Variants in CAMK1D observed in about 807,000 individuals in gnomAD.
CAMK1D encodes calcium/calmodulin dependent protein kinase ID.
CAMK1D carries 9 observed loss-of-function variants against 47.7 expected under a neutral mutation model. The observed-to-expected ratio is 0.19, with a 90% CI of 0.11 to 0.33. The LOEUF is 0.33. Ranked by LOEUF, CAMK1D falls within the 10% of genes least tolerant of loss-of-function variation. The probability of loss-of-function intolerance (pLI) is 1.00; values close to 1 mark genes in which losing one functional copy is unlikely to be tolerated. For synonymous variants in CAMK1D, 184 were observed against 184.9 expected (o/e 0.99, Z 0.04); for missense variants, 291 against 488.7 (o/e 0.60, Z 3.81).
In CAMK1D at chr10:12,824,564, G is replaced by T; in HGVS notation, c.921+12G>T. 6.2e-7 allele frequency: 1 copy of T among 1,608,744 alleles called. No homozygotes were observed. The highest frequency in any genetic ancestry group is 8.5e-7 in the Non-Finnish European group (1 of 1,175,330). ...AGAGCAAATGGAGAGTAAGTGTGGAGTATATGAAATTCCCCGTGGATTAAC... is the reference window on the plus strand; with the variant it reads ...AGAGCAAATGGAGAGTAAGTGTGGATTATATGAAATTCCCCGTGGATTAAC... On this transcript the variant is annotated intron_variant, in intron 9 of 10. Coordinates refer to ENST00000619168, the MANE Select transcript of CAMK1D (RefSeq NM_153498.4).
At chr10:12,423,847 AG>A (rs1027392511) in intron 1 of CAMK1D, among the ~76,000 whole-genome samples, 2 of 152,150 alleles carry the variant, frequency 1.3e-5, no homozygotes, top group Admixed American at 6.5e-5. Flanking sequence ...AAAGGCCCTG[AG>A]TGGTGTGTAT....
chr10:12,490,162 A>C (rs1834339809), intron 1 of CAMK1D, among the ~76,000 whole-genome samples: 1 of 152,108 alleles, frequency 6.6e-6, no homozygotes, highest in Admixed American at 6.5e-5. Context: ...CGCCCCCTCT[A>C]CCCAGCCCTG....
chr10:12,370,154 T>C (rs1347529054), intron 1 of CAMK1D, among the ~76,000 whole-genome samples: 5 of 151,990 alleles, frequency 3.3e-5, no homozygotes, highest in Non-Finnish European at 5.9e-5. Context: ...CCTGGGGCAA[T>C]GATAATGGAG....
intron 2 of CAMK1D, among the ~76,000 whole-genome samples, chr10:12,642,638 T>TA (rs1424454719): frequency 2.6e-5 from 4 of 152,178 alleles, no homozygotes; most frequent in Non-Finnish European, 5.9e-5. Flanking sequence ...TTCCTACCAA[T>TA]AATGAGAGAT....
intron 3 of CAMK1D, among the ~76,000 whole-genome samples, chr10:12,755,920 G>A (rs1836207351): frequency 6.6e-6 from 1 of 152,098 alleles, no homozygotes; most frequent in African/African-American, 2.4e-5. Flanking sequence ...TTGTTCTGGG[G>A]CCCATTGAGA....
intron 7 of CAMK1D, among the ~76,000 whole-genome samples, chr10:12,815,011 T>C (rs1410347271): frequency 6.6e-6 from 1 of 152,222 alleles, no homozygotes; most frequent in African/African-American, 2.4e-5. Flanking sequence ...AGATGCTCTG[T>C]ATGTGTGCTA....
At chr10:12,425,545 G>T (rs774724192) in intron 1 of CAMK1D, among the ~76,000 whole-genome samples, 5 of 152,092 alleles carry the variant, frequency 3.3e-5, no homozygotes, top group Non-Finnish European at 5.9e-5. Flanking sequence ...GCCTCCCAAC[G>T]TGCTGGGATT....
chr10:12,566,650 G>A (rs997851925), intron 2 of CAMK1D, among the ~76,000 whole-genome samples: 2 of 152,122 alleles, frequency 1.3e-5, no homozygotes, highest in South Asian at 2.1e-4. Context: ...GGGCAGACGC[G>A]GAGCCAGAAG....
At chr10:12,638,287 A>G (rs1839569337) in intron 2 of CAMK1D, among the ~76,000 whole-genome samples, 1 of 152,120 alleles carries the variant, frequency 6.6e-6, no homozygotes, top group South Asian at 2.1e-4. Context: ...TGGTCTGGAT[A>G]AAGTCCATAC....
At chr10:12,399,492 A>C (rs1839093804) in intron 1 of CAMK1D, among the ~76,000 whole-genome samples, 1 of 151,800 alleles carries the variant, frequency 6.6e-6, no homozygotes, top group East Asian at 1.9e-4. Context: ...TGACAGAGCA[A>C]GACTCCGTCT....
chr10:12,619,109 G>C lies in CAMK1D; in HGVS notation c.225-47627G>C, dbSNP rs757995354. Among the ~76,000 whole-genome samples the C allele has an allele frequency of 5.0e-4, 76 of 152,202 alleles. 1 individual carries two copies. Among genetic ancestry groups the C allele is most frequent in the Non-Finnish European group, 5.4e-4 (37 of 68,030 alleles). Reference sequence around the variant, plus strand: ...GCTCAATAAATGCTTTTGAATTACTGATTGAAATAATCATGGTAAATGCAT... The same window carrying C: ...GCTCAATAAATGCTTTTGAATTACTCATTGAAATAATCATGGTAAATGCAT... On this transcript the variant is annotated intron_variant, in intron 2 of 10. Coordinates refer to ENST00000619168, the MANE Select transcript of CAMK1D (RefSeq NM_153498.4).
chr10:12,573,248 T>C (rs1431335426), intron 2 of CAMK1D, among the ~76,000 whole-genome samples: 2 of 152,262 alleles, frequency 1.3e-5, no homozygotes, highest in Non-Finnish European at 2.9e-5. Flanking sequence ...CAGGGCCTGC[T>C]GCTCTGATGC....
intron 1 of CAMK1D, among the ~76,000 whole-genome samples, chr10:12,504,514 C>A (rs1834811236): frequency 6.6e-6 from 1 of 152,170 alleles, no homozygotes; most frequent in South Asian, 2.1e-4. Context: ...TGATGCCTTT[C>A]CACATCGGTG....
At chr10:12,393,717 A>T (rs1260227485) in intron 1 of CAMK1D, among the ~76,000 whole-genome samples, 1 of 152,192 alleles carries the variant, frequency 6.6e-6, no homozygotes, top group Non-Finnish European at 1.5e-5. Context: ...CATGTGTCCA[A>T]ACTTGAGGCA....
chr10:12,639,550 T>TA (rs147713000), intron 2 of CAMK1D, among the ~76,000 whole-genome samples: 4,237 of 147,916 alleles, frequency 0.029, 83 homozygotes, highest in Non-Finnish European at 0.043. Flanking sequence ...TTGCTTAAAT[T>TA]TTTTTTTTAA....
intron 1 of CAMK1D, among the ~76,000 whole-genome samples, chr10:12,487,406 G>A (rs1489791235): frequency 6.6e-6 from 1 of 152,180 alleles, no homozygotes. Context: ...ATAAAATTGA[G>A]TGACCTTATT....
chr10:12,560,916 C>CTT (rs754547250), intron 2 of CAMK1D, among the ~76,000 whole-genome samples: 14 of 135,298 alleles, frequency 1.0e-4, no homozygotes, highest in Admixed American at 1.5e-4. Context: ...TTCTTTCTTT[C>CTT]TTTCTTTTTT....
At chr10:12,454,865 A>G (rs1488772326) in intron 1 of CAMK1D, among the ~76,000 whole-genome samples, 1 of 152,234 alleles carries the variant, frequency 6.6e-6, no homozygotes, top group Non-Finnish European at 1.5e-5. Context: ...TTTTAGGTGA[A>G]TGACAGTTAG....
At chr10:12,648,776 T>A (rs922311229) in intron 2 of CAMK1D, among the ~76,000 whole-genome samples, 7 of 152,196 alleles carry the variant, frequency 4.6e-5, no homozygotes, top group Admixed American at 2.0e-4. Flanking sequence ...CGGTCTCTCT[T>A]TTTATTTAAT....
Sources: gnomAD v4.1 joint callset for allele counts (sites outside exome capture counted in the v4.1 genomes callset) on GRCh38, gnomAD v4.1.1 for gene constraint, MANE v1.5 for transcripts, NCBI Gene and HGNC (gene_info 2026-07-23, HGNC 2026-07-21) for gene names.